STK39: variants seen among roughly 807,000 people sequenced by gnomAD.
STK39 encodes the protein serine/threonine kinase 39.
STK39 carries 20 observed loss-of-function variants against 77.8 expected under a neutral mutation model. That is an observed-to-expected ratio of 0.26 (90% CI 0.18 to 0.37). The LOEUF (loss-of-function observed/expected upper bound fraction) is 0.37, where lower values mean the gene tolerates loss of function less well. Among genes scored for constraint, STK39 ranks in the 10% least tolerant of loss-of-function variants. The pLI is 1.00. For missense variants in STK39, 479 were observed against 656.5 expected (o/e 0.73, Z 2.95); for synonymous variants, 246 against 234.1 (o/e 1.05, Z -0.47).
chr2:168,196,537 T>C (rs987160765), intron 1 of STK39, among the ~76,000 whole-genome samples: 2 of 152,136 alleles, frequency 1.3e-5, no homozygotes, highest in Admixed American at 1.3e-4. Flanking sequence ...ATGCCTGTAA[T>C]CCCAGCTACT....
At chr2:168,217,345 G>GA (rs745959960) in intron 1 of STK39, among the ~76,000 whole-genome samples, 1 of 152,110 alleles carries the variant, frequency 6.6e-6, no homozygotes, top group Non-Finnish European at 1.5e-5. Context: ...CTATCAATCA[G>GA]AAAAAGGCCA....
intron 16 of STK39, among the ~76,000 whole-genome samples, chr2:168,011,577 C>A (rs1221705743): frequency 5.3e-5 from 8 of 152,098 alleles, no homozygotes; most frequent in African/African-American, 1.7e-4. Flanking sequence ...TTCATCCTCA[C>A]CCTAGGTGGA....
chr2:168,141,343 T>A (rs1032567466), intron 5 of STK39, among the ~76,000 whole-genome samples: 1 of 152,186 alleles, frequency 6.6e-6, no homozygotes, highest in African/African-American at 2.4e-5. Context: ...TAAGTACCCC[T>A]CATTCGAAAA....
intron 15 of STK39, among the ~76,000 whole-genome samples, chr2:168,016,758 G>GGCCT (rs146690267): frequency 0.02 from 3,085 of 152,054 alleles, 105 homozygotes; most frequent in African/African-American, 0.07. Flanking sequence ...TTTCCTTTAG[G>GGCCT]GCCTGCATTA....
At chr2:168,069,002 C>T (rs982716523) in intron 12 of STK39, among the ~76,000 whole-genome samples, 5 of 152,094 alleles carry the variant, frequency 3.3e-5, no homozygotes, top group South Asian at 2.1e-4. Flanking sequence ...CTGCAACCTC[C>T]GCCTCCTGGG....
chr2:168,106,732 G>C (rs1045579020), intron 10 of STK39, among the ~76,000 whole-genome samples: 1 of 152,130 alleles, frequency 6.6e-6, no homozygotes, highest in Non-Finnish European at 1.5e-5. Context: ...TGAGGTGGAA[G>C]GGTGGTTTGA....
At chr2:168,162,838 G>A (rs13431047) in intron 4 of STK39, among the ~76,000 whole-genome samples, 16,546 of 151,840 alleles carry the variant, frequency 0.11, 1,803 homozygotes, top group East Asian at 0.31. Context: ...GTCCAGCCTG[G>A]CCAACATGGT....
intron 2 of STK39, among the ~76,000 whole-genome samples, chr2:168,168,902 A>G (rs4667563): frequency 0.28 from 42,671 of 152,042 alleles, 6,930 homozygotes; most frequent in East Asian, 0.56. Flanking sequence ...AGAATCACTC[A>G]AACCCGGGAA....
intron 17 of STK39, among the ~76,000 whole-genome samples, chr2:167,956,502 T>C (rs1006440657): frequency 4.0e-5 from 6 of 149,572 alleles, no homozygotes; most frequent in African/African-American, 1.2e-4. Context: ...AGGCAGAGGT[T>C]GCAGTGAGCC....
intron 10 of STK39, among the ~76,000 whole-genome samples, chr2:168,113,916 C>T (rs867279864): frequency 3.9e-5 from 6 of 152,118 alleles, no homozygotes; most frequent in East Asian, 1.9e-4. Context: ...TCACAGAAAA[C>T]GTCAGAGGAA....
intron 1 of STK39, among the ~76,000 whole-genome samples, chr2:168,184,038 A>G (rs1689146432): frequency 6.6e-6 from 1 of 152,136 alleles, no homozygotes; most frequent in African/African-American, 2.4e-5. Context: ...CCTGCAATAA[A>G]TCTCCCCCCA....
At chr2:168,101,058 C>G (rs1054215868) in intron 10 of STK39, among the ~76,000 whole-genome samples, 4 of 152,034 alleles carry the variant, frequency 2.6e-5, no homozygotes, top group South Asian at 2.1e-4. Context: ...TCCTTTGCAG[C>G]GACACAGATG....
chr2:168,086,094 T>G (rs1686359710), intron 10 of STK39, among the ~76,000 whole-genome samples: 1 of 152,158 alleles, frequency 6.6e-6, no homozygotes, highest in Non-Finnish European at 1.5e-5. Flanking sequence ...TCTTCAGCCA[T>G]TTGGTCTAGG....
At chr2:167,964,809 G>C in intron 16 of STK39, 83 bp from the exon 17 acceptor site, 1 of 1,202,556 alleles carries the variant, frequency 8.3e-7, no homozygotes, top group Non-Finnish European at 1.2e-6. Flanking sequence ...CAGAAAATTT[G>C]ACTAATGATG....
chr2:168,072,413 C>A (rs1331489010), intron 12 of STK39, among the ~76,000 whole-genome samples: 1 of 152,044 alleles, frequency 6.6e-6, no homozygotes, highest in African/African-American at 2.4e-5. Flanking sequence ...CTATCCTGAC[C>A]AACTCATCTA....
intron 1 of STK39, among the ~76,000 whole-genome samples, chr2:168,209,859 C>A (rs1201491579): frequency 6.6e-6 from 1 of 151,754 alleles, no homozygotes; most frequent in Middle Eastern, 3.2e-3. Flanking sequence ...ACTAATCAGG[C>A]GTGGTGGCAG....
chr2:168,014,327 G>A (rs779214327), intron 15 of STK39, among the ~76,000 whole-genome samples: 12 of 152,004 alleles, frequency 7.9e-5, no homozygotes, highest in East Asian at 1.9e-4. Flanking sequence ...TCTACAAAGC[G>A]TAAAAAATTA....
intron 1 of STK39, among the ~76,000 whole-genome samples, chr2:168,208,618 T>C (rs1689801897): frequency 6.6e-6 from 1 of 152,220 alleles, no homozygotes; most frequent in Admixed American, 6.5e-5. Context: ...ATTCCAATTC[T>C]CATTTAGACA....
intron 3 of STK39, among the ~76,000 whole-genome samples, chr2:168,164,323 A>G (rs2105591119): frequency 6.6e-6 from 1 of 152,252 alleles, no homozygotes; most frequent in Non-Finnish European, 1.5e-5. Context: ...TGGGAGGGGG[A>G]AAGAAGTATG....
Sources: allele counts gnomAD v4.1 joint callset (sites outside exome capture counted in the v4.1 genomes callset), GRCh38; gene constraint gnomAD v4.1.1; transcripts MANE v1.5; gene names NCBI Gene and HGNC (gene_info 2026-07-23, HGNC 2026-07-21).